ABCA10: variants seen among roughly 807,000 people sequenced by gnomAD.
The protein encoded by ABCA10 is ATP binding cassette subfamily A member 10, also known as ATP-binding cassette sub-family A member 10.
Under a neutral mutation model 187.5 loss-of-function variants are expected in ABCA10, and 169 were observed. The observed-to-expected ratio is 0.90, with a 90% confidence interval of 0.80 to 1.02. The LOEUF (loss-of-function observed/expected upper bound fraction) is 1.02, where lower values mean the gene tolerates loss of function less well. ABCA10 is among the 50% of genes least tolerant of loss of function. The probability of loss-of-function intolerance (pLI) is 0.00; values close to 1 mark genes in which losing one functional copy is unlikely to be tolerated. For missense variants in ABCA10, 1,727 were observed against 1,812.4 expected (o/e 0.95, Z 0.86); for synonymous variants, 574 against 601.8 (o/e 0.95, Z 0.68).
intron 1 of ABCA10, among the ~76,000 whole-genome samples, chr17:69,236,960 A>G (rs1202133447): frequency 1.3e-5 from 2 of 152,220 alleles, no homozygotes; most frequent in African/African-American, 2.4e-5. Context: ...TCAGTGCAAA[A>G]TAAGTTTCCT....
chr17:69,201,914 T>C (rs1485664412), intron 9 of ABCA10, among the ~76,000 whole-genome samples: 1 of 152,134 alleles, frequency 6.6e-6, no homozygotes, highest in South Asian at 2.1e-4. Flanking sequence ...GCTTCCCAAG[T>C]AGCTATTACA....
chr17:69,197,134 T>G lies in ABCA10; in HGVS notation c.1176-12A>C. 2 of 1,569,376 alleles carry G rather than the reference T, an allele frequency of 1.3e-6. No individual in the cohort carries two copies. The highest frequency in any genetic ancestry group is 1.1e-5 in the South Asian group (1 of 89,336). Reference sequence around the variant, plus strand: ...TAACATTTCTGATTCTGAAAGAAGATGAAGTAATTTTCATGTAAATGCATT... The same window carrying G: ...TAACATTTCTGATTCTGAAAGAAGAGGAAGTAATTTTCATGTAAATGCATT... On this transcript the variant is annotated splice_polypyrimidine_tract_variant and intron_variant, in intron 10 of 38. Transcript: ENST00000690296.
At chr17:69,149,254 AAGAT>A in intron 37 of ABCA10, 166 bp from the exon 38 acceptor site, 1 of 685,936 alleles carries the variant, frequency 1.5e-6, no homozygotes, top group Non-Finnish European at 2.4e-6. Context: ...TGGCTAATAA[AAGAT>A]AGCCATGCAT....
At chr17:69,150,196 G>A (rs1598082018) in intron 36 of ABCA10, 133 bp from the exon 37 acceptor site, 1 of 575,044 alleles carries the variant, frequency 1.7e-6, no homozygotes, top group African/African-American at 1.9e-5. Context: ...GCATGAATCA[G>A]TGTGAAATTA....
chr17:69,199,596 G>A (rs2074529176), intron 10 of ABCA10, among the ~76,000 whole-genome samples: 1 of 152,126 alleles, frequency 6.6e-6, no homozygotes, highest in South Asian at 2.1e-4. Flanking sequence ...TCATATTAAT[G>A]TCATAAGGGC....
rs2074415406 is a variant in ABCA10, at chr17:69,185,621, A to T, written c.2353T>A (p.Phe785Ile). The change falls in exon 20 of 39, where the codon TTT becomes ATT. Residue 785 changes from phenylalanine (F) to isoleucine (I), a missense_variant. By Grantham distance (21) the Phe-to-Ile change is conservative. Coordinates refer to ENST00000690296, the MANE Select transcript of ABCA10 (RefSeq NM_001377321.1). ...LCLLLVLGIA[F>I]IPIILEKIMY... ...ATCTTCTCTAGAATGATGGGGATAA[A>T]AGCAATTCCAAGTACTAGTAACCTA... is the stretch of plus-strand genomic sequence containing the variant. The T allele has an allele frequency of 6.2e-7, 1 of 1,607,878 alleles. No homozygotes were observed. The highest frequency in any genetic ancestry group is 8.5e-7 in the Non-Finnish European group (1 of 1,176,412).
chr17:69,154,465 C>T, intron 30 of ABCA10, 139 bp from the exon 31 acceptor site: 1 of 649,994 alleles, frequency 1.5e-6, no homozygotes, highest in Non-Finnish European at 2.5e-6. Context: ...TGCTCTGTTG[C>T]CTAGGCTGGA....
At chr17:69,172,014 G>T (rs996724988) in intron 25 of ABCA10, among the ~76,000 whole-genome samples, 2 of 147,246 alleles carry the variant, frequency 1.4e-5, no homozygotes, top group Admixed American at 1.4e-4. Flanking sequence ...TGAACAAATA[G>T]ATTGATTTAA....
chr17:69,197,022 G>C, intron 11 of ABCA10, 42 bp downstream of exon 11: 1 of 1,394,808 alleles, frequency 7.2e-7, no homozygotes, highest in Non-Finnish European at 9.8e-7. Flanking sequence ...GAGGGGGAGG[G>C]GGAGAGGGAG....
chr17:69,158,137 T>C (rs1261612567), intron 27 of ABCA10, among the ~76,000 whole-genome samples: 2 of 152,118 alleles, frequency 1.3e-5, no homozygotes, highest in South Asian at 2.1e-4. Context: ...AAAGTTACTA[T>C]GATGATAATG....
chr17:69,154,583 C>A (rs984338667), intron 30 of ABCA10, among the ~76,000 whole-genome samples: 1 of 151,954 alleles, frequency 6.6e-6, no homozygotes, highest in African/African-American at 2.4e-5. Flanking sequence ...CACCACCACA[C>A]CCAGCTAATT....
chr17:69,220,328 A>G (rs1471068337), intron 5 of ABCA10, among the ~76,000 whole-genome samples: 1 of 152,190 alleles, frequency 6.6e-6, no homozygotes, highest in Non-Finnish European at 1.5e-5. Context: ...GCGTTGGAGC[A>G]CAGAAAAGAG....
chr17:69,206,422 C>T (rs200798789), intron 9 of ABCA10, among the ~76,000 whole-genome samples: 1 of 152,100 alleles, frequency 6.6e-6, no homozygotes, highest in Non-Finnish European at 1.5e-5. Flanking sequence ...CCTTCACAAG[C>T]GCTAAGGAAA....
At position 69,190,375 on chromosome 17, in the gene ABCA10, G is replaced by T; in HGVS notation, c.2114C>A (p.Ser705Ter). The change falls in exon 18 of 39, where the codon TCA (serine) becomes TAA (stop). Residue 705 changes from serine to a stop codon, truncating the protein, a stop_gained. Coordinates refer to ENST00000690296, the MANE Select transcript of ABCA10 (RefSeq NM_001377321.1). LOFTEE classifies it high-confidence loss of function. ...TTTTATACCTGGTTCATCAATTGCT[G>T]ATTTTCCTTCTAGGTTCAAGAATAC... ...NEVFLNLEGKSAIDEPDFDIG... is the reference protein window; with the variant it reads ...NEVFLNLEGK The T allele has an allele frequency of 6.4e-7, 1 of 1,552,990 alleles. No homozygotes were observed. The highest frequency in any genetic ancestry group is 1.3e-5 in the South Asian group (1 of 79,882).
chr17:69,226,015 T>C (rs1234330953), intron 2 of ABCA10, among the ~76,000 whole-genome samples: 1 of 152,020 alleles, frequency 6.6e-6, no homozygotes, highest in Non-Finnish European at 1.5e-5. Flanking sequence ...GTCTCATTGG[T>C]TCCTGAACAA....
intron 9 of ABCA10, 119 bp downstream of exon 9, chr17:69,214,585 G>T: frequency 1.1e-6 from 1 of 880,964 alleles, no homozygotes; most frequent in Non-Finnish European, 1.6e-6. Flanking sequence ...CTATTGTTTT[G>T]AAATTTTTTC....
At chr17:69,180,009 C>T (rs574751598) in intron 22 of ABCA10, among the ~76,000 whole-genome samples, 28 of 152,124 alleles carry the variant, frequency 1.8e-4, no homozygotes, top group Admixed American at 1.1e-3. Flanking sequence ...AGAGTTTGTC[C>T]GACAAAGGCT....
At chr17:69,211,348 T>TG (rs1191490095) in intron 9 of ABCA10, among the ~76,000 whole-genome samples, 1 of 23,712 alleles carries the variant, frequency 4.2e-5, no homozygotes, top group African/African-American at 1.7e-4. Flanking sequence ...TATATATATA[T>TG]ATATATATAT....
chr17:69,153,778 A>G (rs143008637), intron 32 of ABCA10, 53 bp downstream of exon 32: 7 of 1,548,564 alleles, frequency 4.5e-6, no homozygotes, highest in East Asian at 2.3e-5. Flanking sequence ...TAATGAAGAA[A>G]TGACATATTT....
Sources: allele counts gnomAD v4.1 joint callset (sites outside exome capture counted in the v4.1 genomes callset), GRCh38; gene constraint gnomAD v4.1.1; transcripts MANE v1.5; gene names NCBI Gene and HGNC (gene_info 2026-07-23, HGNC 2026-07-21).